Variants in KTN1 observed in about 807,000 individuals in gnomAD.
KTN1 encodes kinectin.
Under a neutral mutation model 222.5 loss-of-function variants are expected in KTN1, and 130 were observed. The observed-to-expected ratio is 0.58, with a 90% CI of 0.51 to 0.68. The LOEUF (loss-of-function observed/expected upper bound fraction) is 0.68. Among genes scored for constraint, KTN1 ranks in the 30% least tolerant of loss-of-function variants. The probability of loss-of-function intolerance (pLI) is 0.00; values close to 1 mark genes in which losing one functional copy is unlikely to be tolerated. For synonymous variants in KTN1, 512 were observed against 496.3 expected (o/e 1.03, Z -0.42); for missense variants, 1,508 against 1,500.4 (o/e 1.01, Z -0.08).
At chr14:55,662,972 C>T (rs551374653) in intron 32 of KTN1, 1 of 456,040 alleles carries the variant, frequency 2.2e-6, no homozygotes, top group African/African-American at 2.0e-5. Flanking sequence ...AGAGCCAGGA[C>T]ACTGGAGGCC....
chr14:55,672,010 G>A, intron 37 of KTN1, 133 bp downstream of exon 37: 2 of 626,694 alleles, frequency 3.2e-6, no homozygotes, highest in Non-Finnish European at 5.8e-6. Context: ...TGGGGTGGCA[G>A]CAGTCTGTGT....
chr14:55,647,542 AGAATCACTT>A (rs1364251633), intron 19 of KTN1, among the ~76,000 whole-genome samples: 17 of 147,732 alleles, frequency 1.2e-4, no homozygotes, highest in African/African-American at 4.0e-4. Flanking sequence ...CTGAGGCAGG[AGAATCACTT>A]GAACCTGGGA....
chr14:55,581,856 A>C (rs533616623), intron 1 of KTN1, among the ~76,000 whole-genome samples: 18 of 151,874 alleles, frequency 1.2e-4, no homozygotes, highest in Admixed American at 5.2e-4. Flanking sequence ...CTTGCAGTAG[A>C]CTTTCATATT....
intron 39 of KTN1, 40 bp downstream of exon 39, chr14:55,673,052 C>T (rs777366053): frequency 6.4e-7 from 1 of 1,550,490 alleles, no homozygotes. Context: ...CTTCTCAATT[C>T]AGATTAAGTT....
intron 41 of KTN1, among the ~76,000 whole-genome samples, chr14:55,678,113 A>G (rs554689252): frequency 1.3e-5 from 2 of 152,338 alleles, no homozygotes; most frequent in Non-Finnish European, 2.9e-5. Context: ...AATATCAACT[A>G]TGGTTATTTC....
At chr14:55,589,648 T>C (rs1435543397) in intron 1 of KTN1, among the ~76,000 whole-genome samples, 1 of 142,408 alleles carries the variant, frequency 7.0e-6, no homozygotes, top group Admixed American at 7.3e-5. Flanking sequence ...ACTATATTCA[T>C]CTGATTTCTT....
In KTN1 at chr14:55,637,797, G is replaced by T; in HGVS notation, c.1735G>T (p.Glu579Ter). Reference protein sequence around the residue: ...MQVQDILEQNEALKAQIQQFH... With the variant: ...MQVQDILEQN Reference sequence around the variant, plus strand: ...ATGAAAGGATATTTTGGAGCAGAATGAGGCTTTGAAAGCTCAAATTCAGCA... The same window carrying T: ...ATGAAAGGATATTTTGGAGCAGAATTAGGCTTTGAAAGCTCAAATTCAGCA... The change falls in exon 12 of 44, where the codon GAG (glutamate) becomes TAG (stop). Residue 579 changes from glutamate to a stop codon, truncating the protein, a stop_gained. Coordinates refer to ENST00000395314, the MANE Select transcript of KTN1 (RefSeq NM_001079521.2). LOFTEE classifies it high-confidence loss of function. The T allele has an allele frequency of 6.2e-7, 1 of 1,610,704 alleles. No homozygotes were observed. The highest frequency in any genetic ancestry group is 8.5e-7 in the Non-Finnish European group (1 of 1,177,872).
chr14:55,651,394 TG>T, intron 24 of KTN1: 1 of 454,982 alleles, frequency 2.2e-6, no homozygotes, highest in Non-Finnish European at 4.4e-6. Flanking sequence ...AGACTGTGTA[TG>T]ATTAAGAAAA....
At chr14:55,631,808 C>G (rs115664067) in intron 7 of KTN1, among the ~76,000 whole-genome samples, 208 of 152,082 alleles carry the variant, frequency 1.4e-3, no homozygotes, top group African/African-American at 4.7e-3. Context: ...CTCTTTATTT[C>G]TAGTTACTCT....
At chr14:55,626,577 C>CTGTTT (rs373375979) in intron 5 of KTN1, among the ~76,000 whole-genome samples, 1,621 of 151,878 alleles carry the variant, frequency 0.011, 12 homozygotes, top group South Asian at 0.025. Context: ...TGTATAGATC[C>CTGTTT]TGTTTTGTTT....
At chr14:55,646,492 TTCC>T (rs1275531541) in intron 18 of KTN1, among the ~76,000 whole-genome samples, 48 of 108,440 alleles carry the variant, frequency 4.4e-4, no homozygotes, top group African/African-American at 1.5e-3. Flanking sequence ...TTCCTTTCCT[TTCC>T]TTTCCTTTCC....
intron 5 of KTN1, among the ~76,000 whole-genome samples, chr14:55,624,442 T>C (rs2039538272): frequency 6.6e-6 from 1 of 152,210 alleles, no homozygotes; most frequent in African/African-American, 2.4e-5. Flanking sequence ...ACAGTGGTTT[T>C]TGTGAACACT....
chr14:55,637,132 C>T (rs776250473), intron 10 of KTN1, 66 bp from the exon 11 acceptor site: 57 of 1,221,998 alleles, frequency 4.7e-5, no homozygotes, highest in Non-Finnish European at 6.4e-5. Flanking sequence ...AATGCCTACA[C>T]GAAAGATGAG....
At chr14:55,585,610 A>G (rs1419244531) in intron 1 of KTN1, among the ~76,000 whole-genome samples, 1 of 152,150 alleles carries the variant, frequency 6.6e-6, no homozygotes, top group Non-Finnish European at 1.5e-5. Flanking sequence ...ATCTTTATAG[A>G]TTTTTCCAGT....
At chr14:55,626,397 A>G (rs971157656) in intron 5 of KTN1, among the ~76,000 whole-genome samples, 1 of 152,074 alleles carries the variant, frequency 6.6e-6, no homozygotes, top group Admixed American at 6.6e-5. Flanking sequence ...TTGCCAGCTC[A>G]CGTTTCATCT....
intron 1 of KTN1, among the ~76,000 whole-genome samples, chr14:55,599,529 A>G (rs551089611): frequency 4.6e-5 from 7 of 151,926 alleles, no homozygotes; most frequent in East Asian, 1.9e-4. Flanking sequence ...CAGTGGCGCA[A>G]TCTTGGCTCA....
At chr14:55,629,856 A>G in intron 6 of KTN1, 101 bp from the exon 7 acceptor site, 1 of 815,090 alleles carries the variant, frequency 1.2e-6, no homozygotes, top group South Asian at 1.7e-5. Context: ...ATCATTCATG[A>G]TTATTTTACT....
chr14:55,669,766 A>G (rs1463718141), intron 34 of KTN1, among the ~76,000 whole-genome samples: 1 of 152,036 alleles, frequency 6.6e-6, no homozygotes, highest in East Asian at 1.9e-4. Context: ...ATAGTGTTTT[A>G]AAACTAATTT....
rs1007610495 is a variant in KTN1, at chr14:55,621,847, T to C, written c.963+2535T>C. Among the ~76,000 whole-genome samples the C allele has an allele frequency of 1.2e-4, 4 of 33,158 alleles. No homozygotes were observed. The African/African-American group carries it at 1.6e-3, about 13-fold the overall frequency. The allele number at this position is 33,158 out of a possible 152,430, so 21.8% of individuals were successfully genotyped here. On this transcript the variant is annotated intron_variant, in intron 5 of 43. Coordinates refer to ENST00000395314, the MANE Select transcript of KTN1 (RefSeq NM_001079521.2). ...AAATAAGTAAGATGATTTATATTAC[T>C]TTTTTTTTTTTTTTTTTTTGAGACA...
Sources: gnomAD v4.1 joint callset for allele counts (sites outside exome capture counted in the v4.1 genomes callset) on GRCh38, gnomAD v4.1.1 for gene constraint, MANE v1.5 for transcripts, NCBI Gene and HGNC (gene_info 2026-07-23, HGNC 2026-07-21) for gene names.